The following PRKN variants were observed in gnomAD, a reference collection of about 807,000 sequenced individuals.
PRKN encodes parkin RBR E3 ubiquitin protein ligase.
PRKN carries 56 observed loss-of-function variants against 59.5 expected under a neutral mutation model. The observed-to-expected ratio is 0.94, with a 90% CI of 0.76 to 1.18. The LOEUF is 1.18. Ranked by LOEUF, PRKN falls within the 50% of genes most tolerant of loss-of-function variation. The pLI is 0.00. For synonymous variants in PRKN, 250 were observed against 222.1 expected, an observed-to-expected ratio of 1.13 and a Z score of -1.12; for missense variants, 657 against 596.4, an observed-to-expected ratio of 1.10 and a Z score of -1.06.
chr6:162,416,431 G>A (rs765266922), intron 2 of PRKN, among the ~76,000 whole-genome samples: 22 of 152,148 alleles, frequency 1.4e-4, no homozygotes, highest in Non-Finnish European at 2.9e-5. Flanking sequence ...AGAAAACTAT[G>A]TTTCTGGAGG....
chr6:162,701,386 GA>G (rs1333532837), intron 1 of PRKN, among the ~76,000 whole-genome samples: 2 of 151,670 alleles, frequency 1.3e-5, no homozygotes, highest in Non-Finnish European at 2.9e-5. Context: ...TATTAAAATG[GA>G]AATGAACTTT....
intron 2 of PRKN, among the ~76,000 whole-genome samples, chr6:162,388,767 G>T (rs879351781): frequency 6.6e-6 from 1 of 152,002 alleles, no homozygotes; most frequent in Non-Finnish European, 1.5e-5. Flanking sequence ...GTGCCCAGGG[G>T]GCCCTTCTCT....
At chr6:162,016,181 C>T (rs1016756409) in intron 5 of PRKN, among the ~76,000 whole-genome samples, 3 of 151,964 alleles carry the variant, frequency 2.0e-5, no homozygotes, top group Non-Finnish European at 4.4e-5. Flanking sequence ...ATAGCAAAGG[C>T]GACACATCTG....
intron 1 of PRKN, among the ~76,000 whole-genome samples, chr6:162,634,601 A>G (rs1001590410): frequency 6.6e-6 from 1 of 152,116 alleles, no homozygotes; most frequent in Non-Finnish European, 1.5e-5. Flanking sequence ...GGCTGACACG[A>G]GAAGAGTGAT....
chr6:161,777,818 GTA>G (rs1287364027), intron 7 of PRKN, among the ~76,000 whole-genome samples: 3 of 132,660 alleles, frequency 2.3e-5, no homozygotes, highest in African/African-American at 6.8e-5. Context: ...GTATATATGT[GTA>G]TATATGTATA....
At chr6:161,693,465 A>G (rs1173345654) in intron 7 of PRKN, among the ~76,000 whole-genome samples, 1 of 152,180 alleles carries the variant, frequency 6.6e-6, no homozygotes, top group Non-Finnish European at 1.5e-5. Context: ...TTTATATTCA[A>G]TTCTCAGGAA....
chr6:161,884,174 A>C (rs1466719846), intron 6 of PRKN, among the ~76,000 whole-genome samples: 1 of 152,184 alleles, frequency 6.6e-6, no homozygotes, highest in Non-Finnish European at 1.5e-5. Context: ...ATATATCACT[A>C]ATGTATTTTA....
rs556573643 is a variant in PRKN, at chr6:161,371,991, G to A, written c.1168-11786C>T. ...AACAGTGGTGATTTCTGCTAGGAGT[G>A]GAATGTGTGCCAAGTGCCACAGACG... On this transcript the variant is annotated intron_variant, in intron 10 of 11. Transcript: ENST00000366898. The surrounding 1 kb of genome is among the most constrained non-coding windows in gnomAD (Gnocchi z 5.5). 6.6e-6 allele frequency among the ~76,000 whole-genome samples: 1 copy of A among 152,156 alleles called. No individual in the cohort carries two copies. The highest frequency in any genetic ancestry group is 1.9e-4 in the East Asian group (1 of 5,186).
intron 7 of PRKN, among the ~76,000 whole-genome samples, chr6:161,771,365 A>AT (rs1789673524): frequency 2.0e-5 from 2 of 100,172 alleles, no homozygotes; most frequent in East Asian, 2.8e-4. Flanking sequence ...CAAAAAAAAA[A>AT]AAAAAATAAA....
intron 2 of PRKN, among the ~76,000 whole-genome samples, chr6:162,386,617 C>T (rs896964845): frequency 1.4e-4 from 22 of 152,188 alleles, no homozygotes; most frequent in South Asian, 4.1e-4. Flanking sequence ...GGAGGCTGCC[C>T]TGCACATCCC....
chr6:162,622,760 G>A (rs1229122359), intron 1 of PRKN, among the ~76,000 whole-genome samples: 4 of 152,182 alleles, frequency 2.6e-5, no homozygotes, highest in African/African-American at 9.7e-5. Context: ...TGAAAGACAT[G>A]TCAACACTCA....
chr6:162,177,156 C>T (rs544744957), intron 4 of PRKN, among the ~76,000 whole-genome samples: 42 of 151,864 alleles, frequency 2.8e-4, no homozygotes, highest in Non-Finnish European at 5.1e-4. Context: ...ATATCAGTAA[C>T]AAATCAATAG....
At chr6:162,684,114 T>C (rs1392556831) in intron 1 of PRKN, among the ~76,000 whole-genome samples, 1 of 152,164 alleles carries the variant, frequency 6.6e-6, no homozygotes, top group Non-Finnish European at 1.5e-5. Flanking sequence ...CCCTCATCAT[T>C]GTACGAAGAT....
chr6:161,649,491 C>A (rs1293567673), intron 7 of PRKN, among the ~76,000 whole-genome samples: 1 of 152,158 alleles, frequency 6.6e-6, no homozygotes, highest in East Asian at 1.9e-4. Context: ...TTTGATTTTA[C>A]CCAATGGCTG....
intron 8 of PRKN, among the ~76,000 whole-genome samples, chr6:161,567,031 T>TGTGTG (rs1401421404): frequency 1.0e-4 from 12 of 117,052 alleles, no homozygotes; most frequent in African/African-American, 4.1e-4. Context: ...TGTTTTTTTT[T>TGTGTG]TTTTTTTGTG....
chr6:162,038,589 T>C (rs567544983), intron 5 of PRKN, among the ~76,000 whole-genome samples: 52 of 152,332 alleles, frequency 3.4e-4, no homozygotes, highest in South Asian at 6.2e-4. Context: ...ATCAAGTTTC[T>C]CTACTGTCTG....
At chr6:161,490,513 C>T (rs1777514876) in intron 9 of PRKN, among the ~76,000 whole-genome samples, 1 of 151,820 alleles carries the variant, frequency 6.6e-6, no homozygotes, top group Admixed American at 6.6e-5. Context: ...GTCTCAGCCT[C>T]CCAAGTAGCT....
intron 7 of PRKN, among the ~76,000 whole-genome samples, chr6:161,594,945 A>G (rs1164441615): frequency 6.6e-6 from 1 of 152,250 alleles, no homozygotes; most frequent in Non-Finnish European, 1.5e-5. Flanking sequence ...AACATGGATC[A>G]ATACAAGTTC....
chr6:162,264,286 AAAATT>A (rs1418070615), intron 2 of PRKN, among the ~76,000 whole-genome samples: 1 of 152,278 alleles, frequency 6.6e-6, no homozygotes, highest in South Asian at 2.1e-4. Context: ...CTCAAAAAAT[AAAATT>A]AAATTAAATT....
Sources: allele counts gnomAD v4.1 joint callset (sites outside exome capture counted in the v4.1 genomes callset), GRCh38; gene constraint gnomAD v4.1.1; non-coding constraint Gnocchi (gnomAD v3.1); transcripts MANE v1.5; gene names NCBI Gene and HGNC (gene_info 2026-07-23, HGNC 2026-07-21).